SH3GL2: variants seen among roughly 807,000 people sequenced by gnomAD.
The protein encoded by SH3GL2 is endophilin-A1.
A neutral mutation model predicts 46.0 loss-of-function variants in SH3GL2; 24 were observed. That is an observed-to-expected ratio of 0.52 (90% confidence interval 0.38 to 0.73). The LOEUF (loss-of-function observed/expected upper bound fraction) is 0.73, where lower values mean the gene tolerates loss of function less well. Ranked by LOEUF, SH3GL2 falls within the 30% of genes least tolerant of loss-of-function variation. The pLI, the probability that SH3GL2 is intolerant of heterozygous loss-of-function variation, is 0.00. For missense variants in SH3GL2, 413 were observed against 424.2 expected, an observed-to-expected ratio of 0.97 and a Z score of 0.23; for synonymous variants, 196 against 147.1, an observed-to-expected ratio of 1.33 and a Z score of -2.40.
At chr9:17,721,165 T>C (rs1460320334) in intron 1 of SH3GL2, among the ~76,000 whole-genome samples, 3 of 152,030 alleles carry the variant, frequency 2.0e-5, no homozygotes, top group Non-Finnish European at 4.4e-5. Context: ...GCTTTTGATT[T>C]TGTTTTTGGC....
chr9:17,623,045 C>CCCTT (rs1819189787), intron 1 of SH3GL2, among the ~76,000 whole-genome samples: 3 of 45,296 alleles, frequency 6.6e-5, no homozygotes, highest in Non-Finnish European at 1.5e-4. Context: ...CCTTTCCTTC[C>CCCTT]CCTTCCCCTT....
chr9:17,684,178 G>A lies in SH3GL2; in HGVS notation c.46-62888G>A, dbSNP rs1364923567. Among the ~76,000 whole-genome samples, 3 of 152,064 alleles carry A rather than the reference G, an allele frequency of 2.0e-5. No individual in the cohort carries two copies. In the South Asian group the frequency reaches 6.2e-4, roughly 32 times the overall value. ...AATAACTATGATCAATATGTTAAAG[G>A]TTCTAAGTGGGAAAAGTGGGTAATA... On this transcript the variant is annotated intron_variant, in intron 1 of 8. Transcript: ENST00000380607.
At chr9:17,788,823 G>C (rs1824036588) in intron 5 of SH3GL2, among the ~76,000 whole-genome samples, 1 of 152,164 alleles carries the variant, frequency 6.6e-6, no homozygotes, top group Non-Finnish European at 1.5e-5. Flanking sequence ...GCTGGGGCAA[G>C]TGTTAAGATG....
At chr9:17,629,490 T>G (rs948266734) in intron 1 of SH3GL2, among the ~76,000 whole-genome samples, 4 of 152,202 alleles carry the variant, frequency 2.6e-5, no homozygotes, top group African/African-American at 9.6e-5. Flanking sequence ...TTTCATTTCA[T>G]AACATTCTTC....
At chr9:17,630,075 G>T (rs568538918) in intron 1 of SH3GL2, among the ~76,000 whole-genome samples, 1 of 152,206 alleles carries the variant, frequency 6.6e-6, no homozygotes, top group Admixed American at 6.5e-5. Flanking sequence ...ATTTAAGCTG[G>T]CCTCAGAATC....
chr9:17,654,206 C>A (rs1350128135), intron 1 of SH3GL2, among the ~76,000 whole-genome samples: 1 of 152,110 alleles, frequency 6.6e-6, no homozygotes, highest in African/African-American at 2.4e-5. Flanking sequence ...TGTTTCTCTC[C>A]ACTGACCACT....
intron 1 of SH3GL2, chr9:17,735,725 T>C (rs75865686): frequency 0.075 from 72,284 of 963,884 alleles, 3,110 homozygotes; most frequent in Admixed American, 0.17. Context: ...ACAGAGTTGA[T>C]TGAGGCAGTA....
chr9:17,729,773 A>C (rs1329424615), intron 1 of SH3GL2, among the ~76,000 whole-genome samples: 1 of 151,994 alleles, frequency 6.6e-6, no homozygotes, highest in African/African-American at 2.4e-5. Context: ...ATAGTTGTAG[A>C]TGTGTAGTGT....
intron 1 of SH3GL2, among the ~76,000 whole-genome samples, chr9:17,611,425 T>TTAATAG (rs1818864375): frequency 6.6e-6 from 1 of 152,250 alleles, no homozygotes; most frequent in South Asian, 2.1e-4. Context: ...GCATTACAAT[T>TTAATAG]TAATAGAAAG....
rs574658308 is a variant in SH3GL2 at position 17,795,969 on chromosome 9, T to C, written c.*226T>C. 5.1e-4 allele frequency: 277 copies of C among 543,796 alleles called. 1 individual carries two copies. Among genetic ancestry groups the C allele is most frequent in the Middle Eastern group, 9.7e-4 (2 of 2,062 alleles). 33.7% of individuals were successfully genotyped at this position (543,796 alleles called of 1,614,324 possible). ...GGCATGTGCTTTTTAAAACATCATC[T>C]GAGACCAGCCAGTAGTCACAGAACT... On this transcript the variant is annotated 3_prime_UTR_variant, in exon 9 of 9. Coordinates refer to ENST00000380607, the MANE Select transcript of SH3GL2 (RefSeq NM_003026.5).
At chr9:17,691,474 C>A (rs3808709) in intron 1 of SH3GL2, among the ~76,000 whole-genome samples, 2 of 151,840 alleles carry the variant, frequency 1.3e-5, no homozygotes, top group African/African-American at 4.8e-5. Context: ...ATTTTTTGGG[C>A]GGCCTACAAA....
At chr9:17,722,194 C>T (rs1197907670) in intron 1 of SH3GL2, among the ~76,000 whole-genome samples, 1 of 152,006 alleles carries the variant, frequency 6.6e-6, no homozygotes, top group African/African-American at 2.4e-5. Context: ...GGCTTCCTGT[C>T]TTTAAGTTAA....
At chr9:17,608,961 G>T (rs1027725845) in intron 1 of SH3GL2, among the ~76,000 whole-genome samples, 1 of 152,284 alleles carries the variant, frequency 6.6e-6, no homozygotes, top group Middle Eastern at 3.4e-3. Flanking sequence ...CAGAGATCCA[G>T]GACACCCACT....
chr9:17,756,018 G>T (rs1175804743), intron 2 of SH3GL2, among the ~76,000 whole-genome samples: 5 of 151,936 alleles, frequency 3.3e-5, no homozygotes. Context: ...TTTTTTGTAA[G>T]TGCTTTAGGT....
intron 1 of SH3GL2, among the ~76,000 whole-genome samples, chr9:17,586,561 A>G (rs1818381222): frequency 6.6e-6 from 1 of 152,180 alleles, no homozygotes; most frequent in South Asian, 2.1e-4. Context: ...AAAGAGGTGT[A>G]ATTGACTCAC....
chr9:17,727,303 A>G (rs920228822), intron 1 of SH3GL2, among the ~76,000 whole-genome samples: 1 of 152,220 alleles, frequency 6.6e-6, no homozygotes, highest in South Asian at 2.1e-4. Context: ...GGTGTCAACT[A>G]TGTAAAGTGT....
intron 1 of SH3GL2, among the ~76,000 whole-genome samples, chr9:17,666,909 GTCAA>G (rs1820358604): frequency 2.0e-5 from 3 of 152,046 alleles, no homozygotes; most frequent in Non-Finnish European, 2.9e-5. Flanking sequence ...CCACAGTTTT[GTCAA>G]CAGAATGTGT....
intron 1 of SH3GL2, among the ~76,000 whole-genome samples, chr9:17,729,236 CAT>C (rs1311131777): frequency 6.6e-6 from 1 of 152,016 alleles, no homozygotes; most frequent in Non-Finnish European, 1.5e-5. Context: ...AGCTTTTTTT[CAT>C]ATGTTTGTTG....
intron 1 of SH3GL2, among the ~76,000 whole-genome samples, chr9:17,652,046 A>AT (rs1563798519): frequency 2.6e-5 from 4 of 151,762 alleles, no homozygotes; most frequent in South Asian, 4.2e-4. Context: ...GATTGACTGG[A>AT]TTTTTTTTAG....
Sources: allele counts gnomAD v4.1 joint callset (sites outside exome capture counted in the v4.1 genomes callset), GRCh38; gene constraint gnomAD v4.1.1; transcripts MANE v1.5; gene names NCBI Gene and HGNC (gene_info 2026-07-23, HGNC 2026-07-21).